ADRA1A: variants seen among roughly 807,000 people sequenced by gnomAD.
ADRA1A encodes the protein alpha-1A adrenergic receptor.
Under a neutral mutation model 29.6 loss-of-function variants are expected in ADRA1A, and 31 were observed. That is an observed-to-expected ratio of 1.05 (90% CI 0.79 to 1.41). The LOEUF (loss-of-function observed/expected upper bound fraction) is 1.41, where lower values mean the gene tolerates loss of function less well. Ranked by LOEUF, ADRA1A falls within the 40% of genes most tolerant of loss-of-function variation. The pLI, the probability that ADRA1A is intolerant of heterozygous loss-of-function variation, is 0.00. For synonymous variants in ADRA1A, 311 were observed against 254.3 expected, an observed-to-expected ratio of 1.22 and a Z score of -2.12; for missense variants, 619 against 601.1, an observed-to-expected ratio of 1.03 and a Z score of -0.31.
chr8:26,828,252 T>C (rs577785792), intron 2 of ADRA1A, among the ~76,000 whole-genome samples: 3 of 152,338 alleles, frequency 2.0e-5, no homozygotes, highest in African/African-American at 7.2e-5. Context: ...TAAGAAACTG[T>C]TCTTGGAGTG....
intron 2 of ADRA1A, among the ~76,000 whole-genome samples, chr8:26,789,563 G>A (rs1263644770): frequency 1.3e-5 from 2 of 151,972 alleles, no homozygotes; most frequent in African/African-American, 4.8e-5. Flanking sequence ...AAATATACTA[G>A]AAGAAAATAT....
At chr8:26,838,094 A>G (rs1408138107) in intron 2 of ADRA1A, among the ~76,000 whole-genome samples, 1 of 152,254 alleles carries the variant, frequency 6.6e-6, no homozygotes, top group Non-Finnish European at 1.5e-5. Flanking sequence ...GTAGTTGAGT[A>G]CAAACCAGGA....
At chr8:26,772,883 A>G (rs2132447) in intron 2 of ADRA1A, among the ~76,000 whole-genome samples, 15 of 151,724 alleles carry the variant, frequency 9.9e-5, no homozygotes, top group East Asian at 3.9e-4. Flanking sequence ...ACACACACAC[A>G]ATGGGTGTTT....
rs61760525 is a variant in ADRA1A, at chr8:26,773,704, T to G, written c.884-3038A>C. Among the ~76,000 whole-genome samples, 781 of 152,352 alleles carry G rather than the reference T, an allele frequency of 5.1e-3. 2 individuals are homozygous for G. Among genetic ancestry groups the G allele is most frequent in the Non-Finnish European group, 8.3e-3 (568 of 68,038 alleles). On this transcript the variant is annotated intron_variant, in intron 2 of 2. Coordinates refer to ENST00000380573, the MANE Select transcript of ADRA1A (RefSeq NM_000680.4). ...TTGGAATTTCCCATAATTCCTTCAA[T>G]TACACTCATTCTGCTTACAGAACCC...
chr8:26,830,986 G>T (rs2130648259), intron 2 of ADRA1A, among the ~76,000 whole-genome samples: 1 of 152,290 alleles, frequency 6.6e-6, no homozygotes, highest in Middle Eastern at 3.4e-3. Context: ...GTCTGTAGAA[G>T]TGTCTTTGTT....
intron 2 of ADRA1A, among the ~76,000 whole-genome samples, chr8:26,818,910 G>A (rs12544507): frequency 0.23 from 35,679 of 151,918 alleles, 4,938 homozygotes; most frequent in South Asian, 0.43. Flanking sequence ...GAGAGAAAGC[G>A]GCAGAAAGCT....
intron 2 of ADRA1A, among the ~76,000 whole-genome samples, chr8:26,801,276 GATCA>G (rs1481256621): frequency 1.3e-5 from 2 of 151,976 alleles, no homozygotes; most frequent in African/African-American, 4.8e-5. Flanking sequence ...GTCCTAACTA[GATCA>G]ATCAGACAAG....
chr8:26,756,551 A>ACTGTTTTTC (rs1278655791), exon 3 of ADRA1A: 12 of 1,545,150 alleles, frequency 7.8e-6, no homozygotes, highest in African/African-American at 1.4e-5. Flanking sequence ...TCCTTAAGTT[A>ACTGTTTTTC]CTGTTTTTCC....
downstream of ADRA1A, chr8:26,766,046 GGAGAT>G (rs1021730901): frequency 1.2e-6 from 2 of 1,613,412 alleles, no homozygotes; most frequent in African/African-American, 2.7e-5. Flanking sequence ...CCAGCTACCT[GGAGAT>G]CAGCATTCTG....
At chr8:26,768,467 A>G (rs1424668268), downstream of ADRA1A, among the ~76,000 whole-genome samples, 2 of 152,162 alleles carry the variant, frequency 1.3e-5, no homozygotes, top group African/African-American at 4.8e-5. Context: ...ATCCTTAGTA[A>G]TCTATAGCTT....
At chr8:26,779,930 T>C (rs991816707) in intron 2 of ADRA1A, among the ~76,000 whole-genome samples, 4 of 151,988 alleles carry the variant, frequency 2.6e-5, no homozygotes, top group Non-Finnish European at 2.9e-5. Flanking sequence ...TCCAAGGAGA[T>C]AGGATGGAAA....
intron 2 of ADRA1A, among the ~76,000 whole-genome samples, chr8:26,803,105 A>G (rs1808710766): frequency 6.6e-6 from 1 of 152,116 alleles, no homozygotes; most frequent in Admixed American, 6.6e-5. Context: ...GAAGATGGGA[A>G]ATGGGGATGG....
rs369453389 is a variant in ADRA1A at position 26,865,490 on chromosome 8, CGCTACAGGT to C, written c.-530_-522del. On this transcript the variant is annotated 5_prime_UTR_variant, in exon 2 of 3. Coordinates refer to ENST00000380573, the MANE Select transcript of ADRA1A (RefSeq NM_000680.4). The surrounding 1 kb of genome is among the most constrained non-coding windows in gnomAD (Gnocchi z 7.6). ...AGGGACCGATGGTTGGGTAGCGCAG[CGCTACAGGT>C]TGGGCGCTGCTCCTGGCCCGCAGTT... 0.94 allele frequency: 932,181 copies of C among 994,680 alleles called. 438,412 individuals are homozygous for C. Among genetic ancestry groups the C allele is most frequent in the Non-Finnish European group, 0.95 (796,414 of 835,498 alleles). 61.6% of individuals were successfully genotyped at this position (994,680 alleles called of 1,614,324 possible).
chr8:26,762,437 G>A (rs1257204170), downstream of ADRA1A, among the ~76,000 whole-genome samples: 1 of 152,152 alleles, frequency 6.6e-6, no homozygotes, highest in Non-Finnish European at 1.5e-5. This position sits in a 1 kb window ranked among gnomAD's most constrained non-coding sequence, Gnocchi z 4.0. Context: ...CCTGGGAAGA[G>A]GATGGAGTTG....
chr8:26,788,962 C>T (rs1015839383), intron 2 of ADRA1A, among the ~76,000 whole-genome samples: 1 of 152,058 alleles, frequency 6.6e-6, no homozygotes, highest in Non-Finnish European at 1.5e-5. Context: ...ACTTTAAGTT[C>T]TGGGATACAT....
intron 2 of ADRA1A, among the ~76,000 whole-genome samples, chr8:26,849,347 A>G (rs776362192): frequency 2.0e-5 from 3 of 152,208 alleles, no homozygotes; most frequent in Non-Finnish European, 4.4e-5. Flanking sequence ...TCCAGGCAGG[A>G]TGGGAAGGAC....
intron 2 of ADRA1A, chr8:26,779,186 T>C (rs890098382): frequency 3.6e-5 from 23 of 639,538 alleles, no homozygotes; most frequent in Non-Finnish European, 5.1e-5. Flanking sequence ...TCTCTCACTG[T>C]AGTGCAAGAT....
intron 2 of ADRA1A, among the ~76,000 whole-genome samples, chr8:26,842,580 C>T (rs1006349168): frequency 6.6e-6 from 1 of 152,088 alleles, no homozygotes; most frequent in African/African-American, 2.4e-5. Flanking sequence ...CTCATTCAAA[C>T]CTAAACAGCC....
rs1284347755 is a variant in ADRA1A at position 26,823,974 on chromosome 8, A to C, written c.883+40113T>G. On this transcript the variant is annotated intron_variant, in intron 2 of 2. Coordinates refer to ENST00000380573, the MANE Select transcript of ADRA1A (RefSeq NM_000680.4). The surrounding 1 kb of genome is among the most constrained non-coding windows in gnomAD (Gnocchi z 4.2). The stretch of plus-strand genomic sequence containing the variant: ...AGAAGAAAGTATTGCCCTGGGCTGG[A>C]AAATGGAGTGCCCAATGAATAGAGC... Among the ~76,000 whole-genome samples the C allele has an allele frequency of 6.6e-6, 1 of 152,200 alleles. No homozygotes were observed. Among genetic ancestry groups the C allele is most frequent in the African/African-American group, 2.4e-5 (1 of 41,516 alleles).
Sources: gnomAD v4.1 joint callset for allele counts (sites outside exome capture counted in the v4.1 genomes callset) on GRCh38, gnomAD v4.1.1 for gene constraint, Gnocchi (gnomAD v3.1) non-coding constraint, MANE v1.5 for transcripts, NCBI Gene and HGNC (gene_info 2026-07-23, HGNC 2026-07-21) for gene names.